WWP2: variants seen among roughly 807,000 people sequenced by gnomAD.
The protein encoded by WWP2 is NEDD4-like E3 ubiquitin-protein ligase WWP2.
WWP2 carries 57 observed loss-of-function variants against 121.0 expected under a neutral mutation model. The ratio of observed to expected loss-of-function variants is 0.47; its 90% CI spans 0.38 to 0.59. WWP2 has a LOEUF of 0.59. Ranked by LOEUF, WWP2 falls within the 20% of genes least tolerant of loss-of-function variation. WWP2 has a pLI of 0.00. For missense variants in WWP2, 962 were observed against 1,158.9 expected (o/e 0.83, Z 2.47); for synonymous variants, 449 against 441.3 (o/e 1.02, Z -0.22).
intron 8 of WWP2, among the ~76,000 whole-genome samples, chr16:69,905,328 T>C (rs1281613792): frequency 3.3e-5 from 5 of 152,200 alleles, no homozygotes; most frequent in Non-Finnish European, 5.9e-5. Context: ...TCACTGTTCT[T>C]GGGGCCAGCC....
intron 11 of WWP2, among the ~76,000 whole-genome samples, chr16:69,927,780 G>C (rs527778007): frequency 6.6e-6 from 1 of 152,306 alleles, no homozygotes; most frequent in East Asian, 1.9e-4. Flanking sequence ...CTCTGTAACA[G>C]CTCTGGGCAC....
At chr16:69,841,782 A>G (rs771703869) in intron 5 of WWP2, among the ~76,000 whole-genome samples, 7 of 152,252 alleles carry the variant, frequency 4.6e-5, no homozygotes, top group African/African-American at 7.2e-5. Context: ...ATGTTCTTCA[A>G]TGTCTTGGAG....
At chr16:69,849,015 C>T (rs774715755) in intron 6 of WWP2, among the ~76,000 whole-genome samples, 74 of 152,198 alleles carry the variant, frequency 4.9e-4, no homozygotes, top group Non-Finnish European at 8.8e-4. Context: ...TTGGCATTAA[C>T]GGCCTCTGAA....
Position 69,919,001 on chromosome 16 carries a change from AC to A in WWP2, c.1179+1121del, listed in dbSNP as rs537996368. 4.9e-3 allele frequency among the ~76,000 whole-genome samples: 738 copies of A among 150,508 alleles called. 6 individuals are homozygous for A. Among genetic ancestry groups the A allele is most frequent in the African/African-American group, 0.017 (700 of 41,050 alleles). Reference sequence around the variant, plus strand: ...TGGGATTACAGGTGCCCACCACCACACCCGGCTAATTTTTGTATTTTTAGTA... The same window carrying A: ...TGGGATTACAGGTGCCCACCACCACACCGGCTAATTTTTGTATTTTTAGTA... On this transcript the variant is annotated intron_variant, in intron 10 of 23. Transcript: ENST00000359154.
Position 69,840,085 on chromosome 16 carries a change from A to G in WWP2, c.341-41A>G, listed in dbSNP as rs763403496. The stretch of plus-strand genomic sequence containing the variant: ...TTTAGAGAATCTTAACTTGGGGTGC[A>G]TTCTCTTTAGCCCATCCATGTTGCC... On this transcript the variant is annotated intron_variant, in intron 4 of 23. Transcript: ENST00000359154. 2.5e-6 allele frequency: 4 copies of G among 1,606,446 alleles called. No individual in the cohort carries two copies. In the South Asian group the frequency reaches 4.4e-5, roughly 18 times the overall value.
At chr16:69,820,069 C>G (rs983250882) in intron 4 of WWP2, among the ~76,000 whole-genome samples, 1 of 152,012 alleles carries the variant, frequency 6.6e-6, no homozygotes, top group African/African-American at 2.4e-5. Flanking sequence ...AGACCCTCTA[C>G]AAAAAATAGG....
At chr16:69,827,248 C>T (rs1420721113) in intron 4 of WWP2, among the ~76,000 whole-genome samples, 1 of 150,852 alleles carries the variant, frequency 6.6e-6, no homozygotes, top group Non-Finnish European at 1.5e-5. Context: ...ATCATTTTTC[C>T]CTGGTTCATT....
At chr16:69,932,493 A>G (rs777271626) in intron 16 of WWP2, among the ~76,000 whole-genome samples, 8 of 152,230 alleles carry the variant, frequency 5.3e-5, no homozygotes, top group African/African-American at 9.6e-5. Flanking sequence ...GCTCAGTACA[A>G]TGGCTCTGTT....
chr16:69,796,638 C>T (rs2056053420), intron 2 of WWP2, among the ~76,000 whole-genome samples: 1 of 152,162 alleles, frequency 6.6e-6, no homozygotes, highest in Non-Finnish European at 1.5e-5. Context: ...AGTAATGCAC[C>T]ATTTGTAGTC....
At chr16:69,924,056 C>G (rs908646201) in intron 10 of WWP2, among the ~76,000 whole-genome samples, 4 of 152,262 alleles carry the variant, frequency 2.6e-5, no homozygotes, top group Non-Finnish European at 4.4e-5. Context: ...TCCCCCACCT[C>G]CGTGCACTTG....
At chr16:69,776,831 AAAAAAAAAAAT>A (rs2055540617) in intron 1 of WWP2, among the ~76,000 whole-genome samples, 1 of 150,140 alleles carries the variant, frequency 6.7e-6, no homozygotes, top group Admixed American at 6.7e-5. Flanking sequence ...TCCATCTCGA[AAAAAAAAAAAT>A]AAAAAAAATT....
intron 12 of WWP2, 121 bp from the exon 13 acceptor site, chr16:69,930,009 T>C: frequency 6.9e-7 from 1 of 1,445,662 alleles, no homozygotes. Flanking sequence ...CTTGGGTGCA[T>C]GTCCTCAAAG....
At chr16:69,791,783 G>C (rs978817214) in intron 2 of WWP2, among the ~76,000 whole-genome samples, 1 of 152,114 alleles carries the variant, frequency 6.6e-6, no homozygotes, top group Non-Finnish European at 1.5e-5. Flanking sequence ...GCCTCTTAAA[G>C]TGCTGGGATT....
Position 69,925,509 on chromosome 16 carries a change from C to G in WWP2, c.1234+25C>G, listed in dbSNP as rs201280028. 2.1e-5 allele frequency: 34 copies of G among 1,612,152 alleles called. No homozygotes were observed. The East Asian group carries it at 7.6e-4, about 36-fold the overall frequency. On this transcript the variant is annotated intron_variant, in intron 11 of 23. Transcript: ENST00000359154. The surrounding 1 kb of genome is among the most constrained non-coding windows in gnomAD (Gnocchi z 4.0). ...GGTAAGTACTGAGTTCTCTTCCTGG[C>G]CCTTGGCCTTCCGTCAGCCACGGTG...
chr16:69,819,184 G>T (rs958196975), intron 4 of WWP2, among the ~76,000 whole-genome samples: 2 of 152,198 alleles, frequency 1.3e-5, no homozygotes, highest in Non-Finnish European at 1.5e-5. Context: ...CTTCTTGACT[G>T]TTATTGCAAA....
intron 19 of WWP2, chr16:69,936,785 C>T (rs2058806058): frequency 6.3e-6 from 3 of 477,564 alleles, no homozygotes; most frequent in Non-Finnish European, 1.1e-5. Flanking sequence ...CCTAGACCCA[C>T]CGTCTCACGT....
In WWP2 at chr16:69,777,597, G is replaced by A. The variant is rs9928613; in HGVS notation, c.-15-9399G>A. 9.8e-3 allele frequency among the ~76,000 whole-genome samples: 1,484 copies of A among 151,540 alleles called. 8 individuals are homozygous for A. Among genetic ancestry groups the A allele is most frequent in the African/African-American group, 0.011 (466 of 41,386 alleles). The stretch of plus-strand genomic sequence containing the variant: ...ATTACAGGCATGAGCCACCGTGCTC[G>A]GCCTATATTTTCTTTTAAAAAAATC... On this transcript the variant is annotated intron_variant, in intron 1 of 23. Transcript: ENST00000359154.
intron 4 of WWP2, among the ~76,000 whole-genome samples, chr16:69,820,356 C>T (rs1251014214): frequency 6.6e-6 from 1 of 152,172 alleles, no homozygotes; most frequent in Non-Finnish European, 1.5e-5. Flanking sequence ...ATTCTCCTGC[C>T]TCCGCCTCCT....
At chr16:69,872,310 G>C (rs895297169) in intron 7 of WWP2, among the ~76,000 whole-genome samples, 3 of 151,614 alleles carry the variant, frequency 2.0e-5, no homozygotes, top group African/African-American at 7.3e-5. Context: ...TCCGCCTCCC[G>C]GGTTCATGCC....
Sources: allele counts gnomAD v4.1 joint callset (sites outside exome capture counted in the v4.1 genomes callset), GRCh38; gene constraint gnomAD v4.1.1; non-coding constraint Gnocchi (gnomAD v3.1); transcripts MANE v1.5; gene names NCBI Gene and HGNC (gene_info 2026-07-23, HGNC 2026-07-21).